MPP7: variants seen among roughly 807,000 people sequenced by gnomAD.
The protein encoded by MPP7 is MAGUK p55 scaffold protein 7, also known as MAGUK p55 subfamily member 7.
MPP7 carries 60 observed loss-of-function variants against 76.5 expected under a neutral mutation model. That is an observed-to-expected ratio of 0.78 (90% CI 0.64 to 0.97). The LOEUF is 0.97. MPP7 is among the 50% of genes least tolerant of loss of function. The pLI is 0.00. For synonymous variants in MPP7, 237 were observed against 244.5 expected, an observed-to-expected ratio of 0.97 and a Z score of 0.29; for missense variants, 641 against 694.0, an observed-to-expected ratio of 0.92 and a Z score of 0.86.
intron 2 of MPP7, among the ~76,000 whole-genome samples, chr10:28,318,511 C>T (rs1834340722): frequency 6.6e-6 from 1 of 152,080 alleles, no homozygotes; most frequent in South Asian, 2.1e-4. Context: ...TGTGGTGAAA[C>T]CCATCTCTAC....
intron 1 of MPP7, among the ~76,000 whole-genome samples, chr10:28,249,786 C>A (rs1032255850): frequency 6.6e-6 from 1 of 152,116 alleles, no homozygotes; most frequent in African/African-American, 2.4e-5. Flanking sequence ...GATAAGAGAG[C>A]CTGCACCTTC....
chr10:28,121,321 T>C (rs1834832022), intron 8 of MPP7, among the ~76,000 whole-genome samples: 1 of 151,166 alleles, frequency 6.6e-6, no homozygotes, highest in South Asian at 2.1e-4. Context: ...TACATTTAAG[T>C]ATCAGCATCC....
At chr10:28,267,108 A>G (rs1032588502) in intron 1 of MPP7, among the ~76,000 whole-genome samples, 3 of 152,198 alleles carry the variant, frequency 2.0e-5, no homozygotes, top group African/African-American at 7.2e-5. Flanking sequence ...TCCTATAAAT[A>G]AAGTTTTATT....
At chr10:28,234,619 G>A (rs1181819206) in intron 2 of MPP7, among the ~76,000 whole-genome samples, 1 of 152,124 alleles carries the variant, frequency 6.6e-6, no homozygotes, top group Non-Finnish European at 1.5e-5. Flanking sequence ...AGTGTGATAT[G>A]ATGACAATGG....
chr10:28,078,285 T>C (rs1157283131), intron 12 of MPP7, among the ~76,000 whole-genome samples: 1 of 152,192 alleles, frequency 6.6e-6, no homozygotes, highest in Non-Finnish European at 1.5e-5. Context: ...AGATTCAGGC[T>C]ACAAAAAGTG....
chr10:28,289,814 T>G (rs11006987), intron 1 of MPP7, among the ~76,000 whole-genome samples: 21,888 of 152,008 alleles, frequency 0.14, 2,161 homozygotes, highest in East Asian at 0.46. Flanking sequence ...GGCCGAAACA[T>G]TGATTTTATT....
intron 15 of MPP7, chr10:28,057,981 T>C (rs558262982): frequency 4.1e-6 from 3 of 736,642 alleles, no homozygotes; most frequent in Non-Finnish European, 5.5e-6. Context: ...GGATGACAGG[T>C]GCAGACATGG....
chr10:28,302,182 G>A (rs1841172174), intron 1 of MPP7, among the ~76,000 whole-genome samples: 1 of 151,902 alleles, frequency 6.6e-6, no homozygotes, highest in Non-Finnish European at 1.5e-5. Flanking sequence ...ACCTGCACAG[G>A]CATTCCTCAC....
At chr10:28,299,727 C>T (rs1025087498) in intron 1 of MPP7, among the ~76,000 whole-genome samples, 1 of 151,668 alleles carries the variant, frequency 6.6e-6, no homozygotes, top group South Asian at 2.1e-4. Context: ...AAGGAATACC[C>T]TTTCCTTCCG....
At chr10:28,200,077 A>G (rs1837720558) in intron 3 of MPP7, among the ~76,000 whole-genome samples, 1 of 152,178 alleles carries the variant, frequency 6.6e-6, no homozygotes, top group Non-Finnish European at 1.5e-5. Context: ...CTTCAGCTCT[A>G]CCAAGATTTA....
At chr10:28,062,223 T>G (rs1262964508) in intron 13 of MPP7, among the ~76,000 whole-genome samples, 4 of 152,120 alleles carry the variant, frequency 2.6e-5, no homozygotes, top group Non-Finnish European at 5.9e-5. Flanking sequence ...ACAAAAAGAT[T>G]AGGCTGGGGG....
intron 2 of MPP7, among the ~76,000 whole-genome samples, chr10:28,322,465 C>T (rs1408963744): frequency 6.6e-6 from 1 of 152,114 alleles, no homozygotes; most frequent in East Asian, 1.9e-4. Flanking sequence ...AACCCTCTCT[C>T]CCCATCTGAA....
intron 3 of MPP7, among the ~76,000 whole-genome samples, chr10:28,158,049 C>T (rs369437796): frequency 6.6e-6 from 1 of 152,148 alleles, no homozygotes; most frequent in African/African-American, 2.4e-5. Flanking sequence ...GATGTTAAAA[C>T]GTTATTATTA....
chr10:28,230,850 T>C (rs1266961537), intron 2 of MPP7, among the ~76,000 whole-genome samples: 2 of 151,966 alleles, frequency 1.3e-5, no homozygotes, highest in African/African-American at 4.8e-5. Context: ...CAAAAACTGA[T>C]AGAACTACAA....
intron 2 of MPP7, among the ~76,000 whole-genome samples, chr10:28,312,726 C>G (rs1021505383): frequency 2.6e-5 from 4 of 152,166 alleles, no homozygotes; most frequent in African/African-American, 7.2e-5. Flanking sequence ...TTTAATTAAG[C>G]TCAGTCATCT....
Position 28,261,405 on chromosome 10 carries a change from C to T in MPP7, c.-131-22670G>A, listed in dbSNP as rs182589135. On this transcript the variant is annotated intron_variant, in intron 1 of 16. Transcript: ENST00000683449. Reference sequence around the variant, plus strand: ...ATTGAAATGAGTCAAAGACCAGATCCAGCGCAGTCACCATAGTTCCACTAA... The same window carrying T: ...ATTGAAATGAGTCAAAGACCAGATCTAGCGCAGTCACCATAGTTCCACTAA... Among the ~76,000 whole-genome samples the T allele has an allele frequency of 3.3e-5, 5 of 152,302 alleles. No individual in the cohort carries two copies. In the East Asian group the frequency reaches 9.7e-4, roughly 29 times the overall value.
In MPP7 at chr10:28,147,538, G is replaced by A. The variant is rs1366784271; in HGVS notation, c.260C>T (p.Pro87Leu). The change falls in exon 5 of 17, where the codon CCA becomes CTA. Residue 87 changes from proline (P) to leucine (L), a missense_variant. Transcript: ENST00000683449. ...DDLAEELQNK[P>L]LNSEIRELLK... ...CAGCTCTCTGATCTCACTGTTTAAT[G>A]GCTTGTTCTGAAGCTCTTCGGCCAG... 6.2e-7 allele frequency: 1 copy of A among 1,614,012 alleles called. No individual in the cohort carries two copies. The highest frequency in any genetic ancestry group is 1.7e-5 in the Admixed American group (1 of 60,016).
At chr10:28,246,237 C>T (rs572538025) in intron 1 of MPP7, among the ~76,000 whole-genome samples, 1 of 152,144 alleles carries the variant, frequency 6.6e-6, no homozygotes, top group South Asian at 2.1e-4. Context: ...AAGGAAGCAT[C>T]CACAGAGGAT....
At chr10:28,329,505 T>G (rs764073045) in intron 2 of MPP7, among the ~76,000 whole-genome samples, 29 of 152,012 alleles carry the variant, frequency 1.9e-4, no homozygotes, top group Non-Finnish European at 2.9e-4. Flanking sequence ...GGTGGGTTCC[T>G]GTAGTCCCAG....
Sources: gnomAD v4.1 joint callset for allele counts (sites outside exome capture counted in the v4.1 genomes callset) on GRCh38, gnomAD v4.1.1 for gene constraint, MANE v1.5 for transcripts, NCBI Gene and HGNC (gene_info 2026-07-23, HGNC 2026-07-21) for gene names.